LHX4: variants seen among roughly 807,000 people sequenced by gnomAD.
LHX4 encodes LIM homeobox 4, also known as LIM/homeobox protein Lhx4.
In LHX4, 16 loss-of-function variants were observed where a neutral mutation model predicts 39.2. The observed-to-expected ratio is 0.41, with a 90% confidence interval of 0.28 to 0.62. LHX4 has a LOEUF of 0.62. Ranked by LOEUF, LHX4 falls within the 20% of genes least tolerant of loss-of-function variation. The pLI is 0.33. For missense variants in LHX4, 439 were observed against 511.9 expected (o/e 0.86, Z 1.37); for synonymous variants, 206 against 198.1 (o/e 1.04, Z -0.33).
chr1:180,254,598 C>T (rs1347612347), intron 2 of LHX4, among the ~76,000 whole-genome samples: 1 of 152,208 alleles, frequency 6.6e-6, no homozygotes, highest in Admixed American at 6.5e-5. Flanking sequence ...AGGGCCTCTG[C>T]TCCTCATCTT....
intron 2 of LHX4, among the ~76,000 whole-genome samples, chr1:180,256,995 G>A (rs1647885039): frequency 6.6e-6 from 1 of 152,258 alleles, no homozygotes; most frequent in South Asian, 2.1e-4. Context: ...GAAGTTGCCT[G>A]GTGCATATGA....
intron 3 of LHX4, 193 bp from the exon 4 acceptor site, chr1:180,271,187 T>C (rs984900259): frequency 3.0e-6 from 2 of 663,764 alleles, no homozygotes; most frequent in Non-Finnish European, 5.5e-6. Flanking sequence ...TTTCAGTGGC[T>C]TGGGAAGGCC....
intron 1 of LHX4, among the ~76,000 whole-genome samples, chr1:180,231,667 C>T (rs142574198): frequency 6.6e-6 from 1 of 151,974 alleles, no homozygotes; most frequent in Non-Finnish European, 1.5e-5. Flanking sequence ...TTCCTCGCTC[C>T]GCTTGCCAAG....
chr1:180,265,418 C>A (rs79708460), intron 2 of LHX4, among the ~76,000 whole-genome samples: 1 of 152,178 alleles, frequency 6.6e-6, no homozygotes, highest in Non-Finnish European at 1.5e-5. Flanking sequence ...AAATTTCCCT[C>A]GTCTCCTATG....
intron 3 of LHX4, among the ~76,000 whole-genome samples, chr1:180,268,516 A>C (rs1042714314): frequency 7.2e-5 from 11 of 152,334 alleles, no homozygotes; most frequent in South Asian, 2.1e-4. Flanking sequence ...GCATCCCCCC[A>C]CACAGGGAGA....
In LHX4 at chr1:180,255,559, C is replaced by T. The variant is rs180720107; in HGVS notation, c.248+7103C>T. Among the ~76,000 whole-genome samples, 30 of 152,308 alleles carry T rather than the reference C, an allele frequency of 2.0e-4. 1 individual carries two copies. The highest frequency in any genetic ancestry group is 1.5e-3 in the Admixed American group (23 of 15,298). On this transcript the variant is annotated intron_variant, in intron 2 of 5. Transcript: ENST00000263726. ...CTTTTAAGGTAACGATCAGATGGTCCGGATAGTGGCTGTGCGTGTGGACAT... is the reference window on the plus strand; with the variant it reads ...CTTTTAAGGTAACGATCAGATGGTCTGGATAGTGGCTGTGCGTGTGGACAT...
At chr1:180,273,679 C>G (rs1648830089) in intron 5 of LHX4, 1 of 156,100 alleles carries the variant, frequency 6.4e-6, no homozygotes, top group South Asian at 2.0e-4. Flanking sequence ...TATTGAACCT[C>G]TCTTCCAGAT....
At chr1:180,269,270 A>T (rs992719406) in intron 3 of LHX4, among the ~76,000 whole-genome samples, 1 of 152,124 alleles carries the variant, frequency 6.6e-6, no homozygotes, top group Non-Finnish European at 1.5e-5. Context: ...TCCTAAATTA[A>T]CAGCCCAGGG....
chr1:180,256,095 C>T (rs1480928892), intron 2 of LHX4, among the ~76,000 whole-genome samples: 2 of 152,228 alleles, frequency 1.3e-5, no homozygotes. Context: ...TTCACCACTC[C>T]AAAAGGCCCT....
At chr1:180,258,265 C>T (rs920451850) in intron 2 of LHX4, among the ~76,000 whole-genome samples, 3 of 152,104 alleles carry the variant, frequency 2.0e-5, no homozygotes, top group Non-Finnish European at 4.4e-5. Flanking sequence ...TTTCAGGGGA[C>T]CACTGCAGGA....
intron 1 of LHX4, among the ~76,000 whole-genome samples, chr1:180,239,221 G>A (rs1664395972): frequency 6.6e-6 from 1 of 152,026 alleles, no homozygotes; most frequent in Non-Finnish European, 1.5e-5. Flanking sequence ...GTTATTCCCC[G>A]ACTAAATCAA....
chr1:180,267,479 G>A (rs938609521), intron 3 of LHX4, among the ~76,000 whole-genome samples: 3 of 152,246 alleles, frequency 2.0e-5, no homozygotes, highest in African/African-American at 4.8e-5. Flanking sequence ...GCAAAGCCAA[G>A]GTGGACACTT....
chr1:180,255,885 G>T (rs1054991063), intron 2 of LHX4, among the ~76,000 whole-genome samples: 4 of 152,248 alleles, frequency 2.6e-5, no homozygotes, highest in African/African-American at 4.8e-5. Context: ...CTGCAAATTA[G>T]TCTGGGGATC....
At chr1:180,236,324 G>A (rs1233576416) in intron 1 of LHX4, among the ~76,000 whole-genome samples, 1 of 152,196 alleles carries the variant, frequency 6.6e-6, no homozygotes, top group African/African-American at 2.4e-5. Flanking sequence ...CGCTGGCCAG[G>A]TGTAGACAGC....
Position 180,274,623 on chromosome 1 carries a change from A to G in LHX4, c.*44A>G. ...CTACCTGCCCCCCTGGCTTGAGAGA[A>G]TATCTTCAAGGATCAAAAGAGACTT... On this transcript the variant is annotated 3_prime_UTR_variant, in exon 6 of 6. Coordinates refer to ENST00000263726, the MANE Select transcript of LHX4 (RefSeq NM_033343.4). 2.6e-6 allele frequency: 4 copies of G among 1,512,852 alleles called. No individual in the cohort carries two copies. Among genetic ancestry groups the G allele is most frequent in the South Asian group, 1.3e-5 (1 of 77,024 alleles). The allele number at this position is 1,512,852 out of a possible 1,614,324, so 93.7% of individuals were successfully genotyped here.
chr1:180,258,378 C>T (rs561720305), intron 2 of LHX4, among the ~76,000 whole-genome samples: 105 of 152,220 alleles, frequency 6.9e-4, no homozygotes, highest in Non-Finnish European at 6.3e-4. Flanking sequence ...GGTGGAAAGG[C>T]GATGGCGCTG....
intron 1 of LHX4, among the ~76,000 whole-genome samples, chr1:180,245,975 C>T (rs1160635270): frequency 4.6e-5 from 7 of 151,172 alleles, no homozygotes; most frequent in Non-Finnish European, 1.0e-4. Flanking sequence ...GACTGGACTG[C>T]GTATTCCTCA....
At chr1:180,274,073 A>G (rs1214800068) in intron 5 of LHX4, 112 bp from the exon 6 acceptor site, 2 of 1,357,164 alleles carry the variant, frequency 1.5e-6, no homozygotes, top group Non-Finnish European at 2.1e-6. Context: ...GCTGCAAGGC[A>G]GCTGCCATCC....
At chr1:180,264,776 C>A (rs1648249027) in intron 2 of LHX4, among the ~76,000 whole-genome samples, 1 of 152,200 alleles carries the variant, frequency 6.6e-6, no homozygotes, top group Non-Finnish European at 1.5e-5. Context: ...AAATGGGCCC[C>A]ATCTCTCTGA....
Sources: gnomAD v4.1 joint callset for allele counts (sites outside exome capture counted in the v4.1 genomes callset) on GRCh38, gnomAD v4.1.1 for gene constraint, MANE v1.5 for transcripts, NCBI Gene and HGNC (gene_info 2026-07-23, HGNC 2026-07-21) for gene names.